DAB1: variants seen among roughly 807,000 people sequenced by gnomAD.
DAB1 encodes the protein DAB adaptor protein 1.
Under a neutral mutation model 64.6 loss-of-function variants are expected in DAB1, and 15 were observed. The observed-to-expected ratio is 0.23, with a 90% CI of 0.16 to 0.36. The LOEUF (loss-of-function observed/expected upper bound fraction) is 0.36, where lower values mean the gene tolerates loss of function less well. DAB1 is among the 10% of genes least tolerant of loss of function. The pLI is 1.00. For missense variants in DAB1, 596 were observed against 706.7 expected, an observed-to-expected ratio of 0.84 and a Z score of 1.78; for synonymous variants, 235 against 251.9, an observed-to-expected ratio of 0.93 and a Z score of 0.64.
chr1:57,263,558 G>A (rs1670362666), intron 2 of DAB1, among the ~76,000 whole-genome samples: 1 of 152,166 alleles, frequency 6.6e-6, no homozygotes, highest in African/African-American at 2.4e-5. Flanking sequence ...GTGGGAACAC[G>A]GTATTAGGAG....
At chr1:58,539,536 T>G (rs953106728) in intron 1 of DAB1, among the ~76,000 whole-genome samples, 3 of 102,976 alleles carry the variant, frequency 2.9e-5, no homozygotes, top group Non-Finnish European at 6.5e-5. Context: ...AAGCTTGAAT[T>G]TTTTTCATTT....
chr1:57,634,449 A>T (rs944639301), intron 7 of DAB1, among the ~76,000 whole-genome samples: 1 of 152,240 alleles, frequency 6.6e-6, no homozygotes, highest in Non-Finnish European at 1.5e-5. Context: ...GGATTAAATG[A>T]AAGCAAATAT....
chr1:57,733,436 T>C (rs1647531495), intron 6 of DAB1, among the ~76,000 whole-genome samples: 1 of 152,038 alleles, frequency 6.6e-6, no homozygotes, highest in African/African-American at 2.4e-5. Flanking sequence ...AGGCCCTCAG[T>C]GGATTTTCCA....
intron 6 of DAB1, among the ~76,000 whole-genome samples, chr1:57,766,812 C>T (rs144249119): frequency 4.8e-4 from 73 of 152,100 alleles, no homozygotes; most frequent in African/African-American, 1.8e-3. Flanking sequence ...CTAGGCAACA[C>T]GCTCTTCTGT....
chr1:57,567,678 T>C (rs922839742), intron 7 of DAB1, among the ~76,000 whole-genome samples: 3 of 152,120 alleles, frequency 2.0e-5, no homozygotes, highest in East Asian at 1.9e-4. Context: ...CCATTCACAA[T>C]TGCTTAAAGA....
Position 57,566,717 on chromosome 1 carries a change from CTAAACCA to C in DAB1, n.625+82868_625+82874del, listed in dbSNP as rs553532825. ...CCTGGACACATACACCCTCCCAAGA[CTAAACCA>C]GGAAGAAGTTAAATCCCTGAATAGA... On this transcript the variant is annotated intron_variant and non_coding_transcript_variant, in intron 7 of 20. Coordinates refer to the DAB1 transcript ENST00000485760. Among the ~76,000 whole-genome samples the C allele has an allele frequency of 7.5e-3, 1,140 of 152,240 alleles. 7 individuals carry two copies. Among genetic ancestry groups the C allele is most frequent in the African/African-American group, 0.026 (1,094 of 41,540 alleles).
chr1:57,486,285 G>A (rs78319538), intron 7 of DAB1, among the ~76,000 whole-genome samples: 1,890 of 152,220 alleles, frequency 0.012, 30 homozygotes, highest in African/African-American at 0.036. Context: ...TCATGCATGT[G>A]CATTAAAATT....
chr1:57,096,002 T>C (rs767819062), intron 4 of DAB1, among the ~76,000 whole-genome samples: 35 of 152,238 alleles, frequency 2.3e-4, no homozygotes, highest in Non-Finnish European at 4.0e-4. Context: ...CAGTAATAGC[T>C]GATAATGTTG....
Position 58,377,855 on chromosome 1 carries a change from A to G in DAB1, n.258-34452T>C, listed in dbSNP as rs193063731. On this transcript the variant is annotated intron_variant and non_coding_transcript_variant, in intron 3 of 20. Transcript: ENST00000485760. ...ATTTGGTCTTTTCACATAGTCCCAT[A>G]TTTCTTGGAGGCTTTGCTCACTTCT... 2.2e-3 allele frequency among the ~76,000 whole-genome samples: 307 copies of G among 140,428 alleles called. 44 individuals carry two copies. The highest frequency in any genetic ancestry group is 7.9e-3 in the African/African-American group (302 of 38,000). The allele number at this position is 140,428 out of a possible 152,430, so 92.1% of individuals were successfully genotyped here.
chr1:57,262,291 T>TACTGA lies in DAB1; in HGVS notation c.67+28668_67+28672dup, dbSNP rs377638890. 3.3e-5 allele frequency among the ~76,000 whole-genome samples: 5 copies of TACTGA among 152,336 alleles called. No homozygotes were observed. The East Asian group carries it at 9.6e-4, about 29-fold the overall frequency. On this transcript the variant is annotated intron_variant, in intron 2 of 14. Transcript: ENST00000371236. ...GCAGAGGCCACATTTGAACCAGGCC[T>TACTGA]ACTGAACTGAACTGAAATCACATCA... is the stretch of plus-strand genomic sequence containing the variant.
At chr1:58,092,204 T>C (rs1650707901) in intron 5 of DAB1, among the ~76,000 whole-genome samples, 1 of 151,752 alleles carries the variant, frequency 6.6e-6, no homozygotes, top group Admixed American at 6.6e-5. Flanking sequence ...GGTGTGGTGG[T>C]GGGCACCTGT....
chr1:57,064,073 T>C (rs1225245894), intron 8 of DAB1, among the ~76,000 whole-genome samples: 2 of 152,210 alleles, frequency 1.3e-5, no homozygotes, highest in Non-Finnish European at 2.9e-5. Flanking sequence ...ATGGTAAACG[T>C]ATGATAGAGG....
At chr1:57,209,464 A>G (rs1408931474) in intron 2 of DAB1, among the ~76,000 whole-genome samples, 4 of 152,190 alleles carry the variant, frequency 2.6e-5, no homozygotes, top group African/African-American at 4.8e-5. Context: ...TTCCTCTACT[A>G]TAAGTTGTGC....
chr1:58,343,558 G>C (rs906968980), intron 3 of DAB1, among the ~76,000 whole-genome samples: 2 of 152,192 alleles, frequency 1.3e-5, no homozygotes, highest in African/African-American at 4.8e-5. Flanking sequence ...GAAGAGTCAA[G>C]TTTGGCTGAC....
At chr1:57,123,928 T>A (rs1656893943) in intron 4 of DAB1, among the ~76,000 whole-genome samples, 1 of 152,174 alleles carries the variant, frequency 6.6e-6, no homozygotes, top group Non-Finnish European at 1.5e-5. Flanking sequence ...TTGCAGTTTT[T>A]TTCTTTATGA....
intron 7 of DAB1, among the ~76,000 whole-genome samples, chr1:57,458,057 C>T (rs888822310): frequency 3.9e-5 from 6 of 152,084 alleles, no homozygotes; most frequent in African/African-American, 1.4e-4. Context: ...ATCTTGCCTC[C>T]TTAATAAATT....
intron 1 of DAB1, among the ~76,000 whole-genome samples, chr1:57,346,511 T>A (rs1678115450): frequency 6.6e-6 from 1 of 152,192 alleles, no homozygotes; most frequent in South Asian, 2.1e-4. Flanking sequence ...CTACTTATAT[T>A]TTACTTTGTT....
chr1:58,027,975 A>C (rs892785565), intron 5 of DAB1, among the ~76,000 whole-genome samples: 2 of 152,196 alleles, frequency 1.3e-5, no homozygotes, highest in African/African-American at 4.8e-5. Context: ...GTCTAAGTTT[A>C]TATGCTACTA....
chr1:57,647,138 C>T (rs1646201389), intron 7 of DAB1, among the ~76,000 whole-genome samples: 1 of 152,118 alleles, frequency 6.6e-6, no homozygotes, highest in African/African-American at 2.4e-5. Context: ...ATGCTTGTTG[C>T]CAGGGCTACT....
Sources: gnomAD v4.1 joint callset for allele counts (sites outside exome capture counted in the v4.1 genomes callset) on GRCh38, gnomAD v4.1.1 for gene constraint, MANE v1.5 for transcripts, NCBI Gene and HGNC (gene_info 2026-07-23, HGNC 2026-07-21) for gene names.